SNTG2: variants seen among roughly 807,000 people sequenced by gnomAD.
SNTG2 encodes the protein syntrophin gamma 2.
A neutral mutation model predicts 70.9 loss-of-function variants in SNTG2; 74 were observed. The ratio of observed to expected loss-of-function variants is 1.04; its 90% CI spans 0.86 to 1.27. The LOEUF (loss-of-function observed/expected upper bound fraction) is 1.27. Among genes scored for constraint, SNTG2 ranks in the 50% most tolerant of loss-of-function variants. The pLI, the probability that SNTG2 is intolerant of heterozygous loss-of-function variation, is 0.00. For missense variants in SNTG2, 717 were observed against 690.7 expected, an observed-to-expected ratio of 1.04 and a Z score of -0.43; for synonymous variants, 278 against 273.8, an observed-to-expected ratio of 1.02 and a Z score of -0.15.
intron 4 of SNTG2, among the ~76,000 whole-genome samples, chr2:1,125,146 C>T (rs1240775957): frequency 4.6e-5 from 7 of 152,110 alleles, no homozygotes; most frequent in African/African-American, 1.7e-4. Context: ...CATTAACCTT[C>T]AAATTATGTT....
At chr2:1,246,392 A>G (rs28694550) in intron 11 of SNTG2, among the ~76,000 whole-genome samples, 45,642 of 152,084 alleles carry the variant, frequency 0.3, 7,635 homozygotes, top group African/African-American at 0.45. Context: ...GGATGCGCCC[A>G]TCCTGGAGCT....
At chr2:1,257,843 CT>C (rs1249626098) in intron 12 of SNTG2, among the ~76,000 whole-genome samples, 1 of 152,168 alleles carries the variant, frequency 6.6e-6, no homozygotes, top group African/African-American at 2.4e-5. Context: ...TGGGAAAATG[CT>C]GATATTACTA....
intron 1 of SNTG2, among the ~76,000 whole-genome samples, chr2:994,342 C>T (rs545769990): frequency 1.3e-5 from 2 of 152,204 alleles, no homozygotes; most frequent in African/African-American, 2.4e-5. Context: ...TCTGGATACT[C>T]ATTCCCATTC....
intron 14 of SNTG2, among the ~76,000 whole-genome samples, chr2:1,287,310 G>A (rs1453467452): frequency 6.6e-6 from 1 of 152,198 alleles, no homozygotes; most frequent in East Asian, 1.9e-4. Context: ...CCAACAGGAG[G>A]CACCAGGGCC....
intron 8 of SNTG2, among the ~76,000 whole-genome samples, chr2:1,189,209 A>C (rs1308464680): frequency 2.0e-5 from 3 of 152,234 alleles, no homozygotes; most frequent in Non-Finnish European, 4.4e-5. Context: ...ATAAGGTAGC[A>C]AATCTTTGTA....
chr2:1,139,107 T>C (rs951478931), intron 6 of SNTG2, among the ~76,000 whole-genome samples: 1 of 152,216 alleles, frequency 6.6e-6, no homozygotes, highest in African/African-American at 2.4e-5. Flanking sequence ...TGTTATCCTT[T>C]TGCTTATTGT....
At chr2:1,154,982 C>T (rs1558464830) in intron 6 of SNTG2, among the ~76,000 whole-genome samples, 1 of 131,064 alleles carries the variant, frequency 7.6e-6, no homozygotes, top group Non-Finnish European at 1.7e-5. Flanking sequence ...ATACCACATA[C>T]ACCACACATA....
At chr2:1,119,530 G>A (rs575129387) in intron 4 of SNTG2, among the ~76,000 whole-genome samples, 1 of 150,148 alleles carries the variant, frequency 6.7e-6, no homozygotes, top group Non-Finnish European at 1.5e-5. Flanking sequence ...AACATAAACT[G>A]TGGAGGAGAA....
At chr2:1,210,252 G>A (rs556348502) in intron 9 of SNTG2, among the ~76,000 whole-genome samples, 1 of 152,270 alleles carries the variant, frequency 6.6e-6, no homozygotes, top group East Asian at 1.9e-4. Flanking sequence ...CCCATCTTTG[G>A]TAAAGAGAGA....
chr2:1,136,457 G>A (rs1668391811), intron 4 of SNTG2, among the ~76,000 whole-genome samples: 1 of 152,012 alleles, frequency 6.6e-6, no homozygotes, highest in Admixed American at 6.6e-5. Context: ...GTGCAAATGA[G>A]AACTTTGTTT....
Position 1,237,959 on chromosome 2 carries a change from A to G in SNTG2, c.791A>G (p.Asp264Gly), listed in dbSNP as rs1248783826. ...SGILRFYTAQDGTDWLRAVSA... is the reference protein window; with the variant it reads ...SGILRFYTAQGGTDWLRAVSA... ...ATCCTCCGGTTTTACACAGCCCAGG[A>G]TGGCACCGACTGGCTGCGGGCGGTC... Residue 264 changes from aspartate (D) to glycine (G), a missense_variant, in exon 10 of 17, where the codon GAT becomes GGT. Transcript: ENST00000308624. 9 of 1,610,124 alleles carry G rather than the reference A, an allele frequency of 5.6e-6. No homozygotes were observed. The highest frequency in any genetic ancestry group is 1.1e-5 in the South Asian group (1 of 89,674).
chr2:1,320,457 G>A (rs1275416587), intron 16 of SNTG2, among the ~76,000 whole-genome samples: 4 of 150,596 alleles, frequency 2.7e-5, no homozygotes, highest in African/African-American at 9.8e-5. Context: ...GTGTGAACCC[G>A]GGAGGCAGAG....
intron 8 of SNTG2, among the ~76,000 whole-genome samples, chr2:1,201,400 G>C (rs112447866): frequency 6.6e-5 from 10 of 151,730 alleles, no homozygotes; most frequent in Admixed American, 1.3e-4. Context: ...GAAAGGGTGT[G>C]GGGGGAGGTG....
At chr2:1,277,377 C>CA (rs1679312348) in intron 14 of SNTG2, among the ~76,000 whole-genome samples, 1 of 152,198 alleles carries the variant, frequency 6.6e-6, no homozygotes, top group African/African-American at 2.4e-5. Context: ...CATCAACATC[C>CA]AGGCAAGGTC....
At chr2:1,190,707 G>C (rs900594356) in intron 8 of SNTG2, among the ~76,000 whole-genome samples, 1 of 151,504 alleles carries the variant, frequency 6.6e-6, no homozygotes, top group African/African-American at 2.4e-5. Context: ...AAGGAAGCAA[G>C]AATAATAAAT....
intron 1 of SNTG2, among the ~76,000 whole-genome samples, chr2:1,056,164 C>T (rs1662380664): frequency 6.6e-6 from 1 of 150,474 alleles, no homozygotes; most frequent in African/African-American, 2.5e-5. Flanking sequence ...GGATGGGCTC[C>T]AGCTTCATTC....
chr2:1,125,829 G>T (rs1667664807), intron 4 of SNTG2, among the ~76,000 whole-genome samples: 1 of 151,906 alleles, frequency 6.6e-6, no homozygotes, highest in South Asian at 2.1e-4. Flanking sequence ...TAGACAGTAG[G>T]GTGTGGTGTA....
chr2:1,130,024 G>C (rs1345386507), intron 4 of SNTG2, among the ~76,000 whole-genome samples: 3 of 152,174 alleles, frequency 2.0e-5, no homozygotes, highest in Non-Finnish European at 4.4e-5. Context: ...GACAATAAGA[G>C]TTACAGGCAA....
intron 14 of SNTG2, among the ~76,000 whole-genome samples, chr2:1,302,548 A>G (rs1256818236): frequency 6.6e-6 from 1 of 151,952 alleles, no homozygotes; most frequent in African/African-American, 2.4e-5. Context: ...GCTAAAAAAA[A>G]AAAAAAAAAA....
Sources: gnomAD v4.1 joint callset for allele counts (sites outside exome capture counted in the v4.1 genomes callset) on GRCh38, gnomAD v4.1.1 for gene constraint, MANE v1.5 for transcripts, NCBI Gene and HGNC (gene_info 2026-07-23, HGNC 2026-07-21) for gene names.